Variants in WNT7A observed in about 807,000 individuals in gnomAD.
The protein encoded by WNT7A is Wnt family member 7A.
Under a neutral mutation model 28.2 loss-of-function variants are expected in WNT7A, and 16 were observed. The observed-to-expected ratio is 0.57, with a 90% CI of 0.38 to 0.86. WNT7A has a LOEUF of 0.86. Ranked by LOEUF, WNT7A falls within the 40% of genes least tolerant of loss-of-function variation. WNT7A has a pLI of 0.00. For missense variants in WNT7A, 411 were observed against 489.7 expected (o/e 0.84, Z 1.52); for synonymous variants, 190 against 195.9 (o/e 0.97, Z 0.25).
intron 3 of WNT7A, among the ~76,000 whole-genome samples, chr3:13,830,087 G>A (rs538238766): frequency 7.2e-5 from 11 of 152,140 alleles, no homozygotes; most frequent in African/African-American, 1.7e-4. Context: ...CCTGGTCCCC[G>A]CAGCGTCTTC....
At position 13,817,280 on chromosome 3, in the gene WNT7A, G is replaced by C. The variant is rs1208610523; in HGVS notation, c.*1664C>G. The C allele has an allele frequency of 6.6e-6, 1 of 152,288 alleles. No homozygotes were observed. The highest frequency in any genetic ancestry group is 1.5e-5 in the Non-Finnish European group (1 of 68,120). The allele number at this position is 152,288 out of a possible 1,614,324, so 9.4% of individuals were successfully genotyped here. Reference sequence around the variant, plus strand: ...TGCAAAGGCATGCAGCTCCATGCCTGAGACCTGATCTCCCAGGCACACGGA... The same window carrying C: ...TGCAAAGGCATGCAGCTCCATGCCTCAGACCTGATCTCCCAGGCACACGGA... On this transcript the variant is annotated 3_prime_UTR_variant, in exon 4 of 4. Transcript: ENST00000285018.
intron 3 of WNT7A, among the ~76,000 whole-genome samples, chr3:13,838,084 G>A (rs574472901): frequency 4.6e-5 from 7 of 152,330 alleles, no homozygotes; most frequent in South Asian, 2.1e-4. Context: ...AATACACCCC[G>A]GTTATCTCTA....
chr3:13,819,721 A>C (rs1694081055), intron 3 of WNT7A, among the ~76,000 whole-genome samples: 1 of 152,228 alleles, frequency 6.6e-6, no homozygotes, highest in South Asian at 2.1e-4. Context: ...GAAAGAATGA[A>C]TTGCTCACAC....
At chr3:13,859,927 C>A (rs1694801595) in intron 2 of WNT7A, among the ~76,000 whole-genome samples, 1 of 152,206 alleles carries the variant, frequency 6.6e-6, no homozygotes, top group African/African-American at 2.4e-5. Flanking sequence ...GGAACTGAGG[C>A]TCCAAGAGGA....
At position 13,849,014 on chromosome 3, in the gene WNT7A, C is replaced by G. The variant is rs1459555642; in HGVS notation, c.570+5518G>C. On this transcript the variant is annotated intron_variant, in intron 3 of 3. Coordinates refer to ENST00000285018, the MANE Select transcript of WNT7A (RefSeq NM_004625.4). Reference sequence around the variant, plus strand: ...TCTGGAAAGGTTATACTGTAAGACCCACCTATGTAACATCGTTAAAATAAT... The same window carrying G: ...TCTGGAAAGGTTATACTGTAAGACCGACCTATGTAACATCGTTAAAATAAT... 2.0e-5 allele frequency among the ~76,000 whole-genome samples: 3 copies of G among 152,182 alleles called. No homozygotes were observed. In the East Asian group the frequency reaches 5.8e-4, roughly 29 times the overall value.
At chr3:13,851,175 T>G (rs907487180) in intron 3 of WNT7A, among the ~76,000 whole-genome samples, 2 of 152,074 alleles carry the variant, frequency 1.3e-5, no homozygotes, top group Non-Finnish European at 2.9e-5. Flanking sequence ...GCCCCTTCAC[T>G]CTGTACTCCA....
rs1575056906 is a variant in WNT7A at position 13,818,368 on chromosome 3, A to AAAAAAAAAAAAAAAAAG, written c.*575_*576insCTTTTTTTTTTTTTTTT. ...GCAAACAGCAAAAAAAAAAAAAAAA[A>AAAAAAAAAAAAAAAAAG]TGTGTGTGTGTATATCTATATATGC... On this transcript the variant is annotated 3_prime_UTR_variant, in exon 4 of 4. Transcript: ENST00000285018. The AAAAAAAAAAAAAAAAAG allele has an allele frequency of 2.0e-5, 3 of 150,044 alleles. No homozygotes were observed. The highest frequency in any genetic ancestry group is 3.0e-5 in the Non-Finnish European group (2 of 67,604). 9.3% of individuals were successfully genotyped at this position (150,044 alleles called of 1,614,324 possible). A position where few individuals can be genotyped will look rare whatever the true frequency, so the allele number is the denominator to read the frequency against.
chr3:13,855,346 G>A (rs1182663796), intron 2 of WNT7A, among the ~76,000 whole-genome samples: 4 of 142,402 alleles, frequency 2.8e-5, no homozygotes, highest in Non-Finnish European at 6.0e-5. Context: ...CATATCATTG[G>A]TAACTTTCTC....
chr3:13,856,917 G>GAAA (rs1392895501), intron 2 of WNT7A, among the ~76,000 whole-genome samples: 1,586 of 98,884 alleles, frequency 0.016, 43 homozygotes, highest in South Asian at 0.025. Flanking sequence ...AGAAGAAGAA[G>GAAA]AAGAAGAAGA....
At chr3:13,870,771 C>A (rs1695015824) in intron 2 of WNT7A, among the ~76,000 whole-genome samples, 1 of 152,248 alleles carries the variant, frequency 6.6e-6, no homozygotes, top group Non-Finnish European at 1.5e-5. Flanking sequence ...CGTCCCGCTG[C>A]CCCAAGAGGT....
chr3:13,853,859 T>A (rs1005143288), intron 3 of WNT7A, among the ~76,000 whole-genome samples: 4 of 152,304 alleles, frequency 2.6e-5, no homozygotes, highest in Non-Finnish European at 1.5e-5. Context: ...CGTGTCCTCC[T>A]CCTGTCTGCC....
chr3:13,868,606 G>A (rs1694953993), intron 2 of WNT7A, among the ~76,000 whole-genome samples: 1 of 17,808 alleles, frequency 5.6e-5, no homozygotes, highest in Non-Finnish European at 1.2e-4. Flanking sequence ...AAGAAAGAAA[G>A]AAAGAGAGAG....
chr3:13,844,146 G>C (rs1345964972), intron 3 of WNT7A, among the ~76,000 whole-genome samples: 1 of 152,190 alleles, frequency 6.6e-6, no homozygotes. Context: ...CACCAAGGAT[G>C]AACAGAGCTT....
intron 2 of WNT7A, among the ~76,000 whole-genome samples, chr3:13,857,192 A>T (rs192248424): frequency 1.8e-3 from 267 of 152,306 alleles, no homozygotes; most frequent in African/African-American, 6.1e-3. Flanking sequence ...AGGCCATAGG[A>T]GGACAAGGGA....
At chr3:13,842,250 T>C (rs1280619333) in intron 3 of WNT7A, among the ~76,000 whole-genome samples, 1 of 152,120 alleles carries the variant, frequency 6.6e-6, no homozygotes, top group Non-Finnish European at 1.5e-5. Flanking sequence ...GAGACGCTGA[T>C]GGATAAGACC....
chr3:13,870,084 A>G (rs541354664), intron 2 of WNT7A, among the ~76,000 whole-genome samples: 93 of 152,150 alleles, frequency 6.1e-4, no homozygotes, highest in Middle Eastern at 3.4e-3. Flanking sequence ...CTGAGGTCTC[A>G]CTTCTGAGAG....
intron 1 of WNT7A, among the ~76,000 whole-genome samples, chr3:13,878,581 A>G (rs768968165): frequency 2.6e-4 from 39 of 152,224 alleles, no homozygotes; most frequent in Non-Finnish European, 3.8e-4. Context: ...CCGCGGCCGG[A>G]CAACTTGCGA....
chr3:13,843,763 C>A (rs112984251), intron 3 of WNT7A, among the ~76,000 whole-genome samples: 1 of 149,354 alleles, frequency 6.7e-6, no homozygotes, highest in East Asian at 1.9e-4. Context: ...TTTTTTTCCC[C>A]TGAGATGGAG....
chr3:13,866,393 T>G (rs1694910385), intron 2 of WNT7A, among the ~76,000 whole-genome samples: 1 of 152,222 alleles, frequency 6.6e-6, no homozygotes, highest in African/African-American at 2.4e-5. Context: ...TCACTCCCGT[T>G]TGGTCAAGGC....
Sources: gnomAD v4.1 joint callset for allele counts (sites outside exome capture counted in the v4.1 genomes callset) on GRCh38, gnomAD v4.1.1 for gene constraint, MANE v1.5 for transcripts, NCBI Gene and HGNC (gene_info 2026-07-23, HGNC 2026-07-21) for gene names.